Variants in PRKCA observed in about 807,000 individuals in gnomAD.
The protein encoded by PRKCA is protein kinase C alpha type.
PRKCA carries 27 observed loss-of-function variants against 87.0 expected under a neutral mutation model. The ratio of observed to expected loss-of-function variants is 0.31; its 90% CI spans 0.23 to 0.43. The LOEUF is 0.43. Ranked by LOEUF, PRKCA falls within the 20% of genes least tolerant of loss-of-function variation. The pLI, the probability that PRKCA is intolerant of heterozygous loss-of-function variation, is 1.00. For synonymous variants in PRKCA, 329 were observed against 311.1 expected, an observed-to-expected ratio of 1.06 and a Z score of -0.61; for missense variants, 518 against 852.3, an observed-to-expected ratio of 0.61 and a Z score of 4.88.
intron 16 of PRKCA, among the ~76,000 whole-genome samples, chr17:66,798,428 G>GTAA (rs1975733599): frequency 1.6e-5 from 2 of 121,250 alleles, no homozygotes; most frequent in Admixed American, 1.6e-4. Flanking sequence ...GGTGGTGGTG[G>GTAA]TGGTGACGGT....
chr17:66,794,275 G>A (rs1243573051), intron 16 of PRKCA, among the ~76,000 whole-genome samples: 1 of 152,114 alleles, frequency 6.6e-6, no homozygotes, highest in Non-Finnish European at 1.5e-5. Flanking sequence ...TCAGGACATT[G>A]TCTCCAATGA....
intron 8 of PRKCA, among the ~76,000 whole-genome samples, chr17:66,729,118 T>G (rs548365238): frequency 1.3e-5 from 2 of 152,242 alleles, no homozygotes; most frequent in African/African-American, 4.8e-5. Flanking sequence ...TCTTTTAAAT[T>G]TAGACACAAC....
At chr17:66,584,501 C>A (rs942650447) in intron 3 of PRKCA, among the ~76,000 whole-genome samples, 1 of 152,198 alleles carries the variant, frequency 6.6e-6, no homozygotes, top group Non-Finnish European at 1.5e-5. Context: ...GCTGGGATTA[C>A]AGGCATGAGC....
intron 8 of PRKCA, among the ~76,000 whole-genome samples, chr17:66,713,049 CTTT>C (rs564655403): frequency 1.9e-5 from 2 of 104,426 alleles, no homozygotes; most frequent in African/African-American, 3.8e-5. Flanking sequence ...CTTTGTTGTC[CTTT>C]TTTTTTTTTT....
At chr17:66,684,950 G>T (rs1422844515) in intron 5 of PRKCA, among the ~76,000 whole-genome samples, 13 of 152,226 alleles carry the variant, frequency 8.5e-5, no homozygotes, top group African/African-American at 2.6e-4. Context: ...CTCCATTTTT[G>T]TGCTCACATT....
At chr17:66,630,682 G>A (rs951218223) in intron 3 of PRKCA, among the ~76,000 whole-genome samples, 11 of 152,184 alleles carry the variant, frequency 7.2e-5, no homozygotes, top group Non-Finnish European at 1.3e-4. Flanking sequence ...AGGCCAATGA[G>A]ATTTTGAGGT....
intron 13 of PRKCA, among the ~76,000 whole-genome samples, chr17:66,752,045 G>A (rs1974442511): frequency 6.6e-6 from 1 of 152,208 alleles, no homozygotes; most frequent in Admixed American, 6.5e-5. Flanking sequence ...TGAAATGTGG[G>A]TAGGGACACA....
At chr17:66,378,900 C>CAA (rs35793230) in intron 2 of PRKCA, among the ~76,000 whole-genome samples, 64 of 132,818 alleles carry the variant, frequency 4.8e-4, no homozygotes, top group South Asian at 1.2e-3. Flanking sequence ...GACTCCATCT[C>CAA]AAAAAAAAAA....
intron 3 of PRKCA, among the ~76,000 whole-genome samples, chr17:66,575,441 A>G (rs1047866245): frequency 6.6e-6 from 1 of 152,118 alleles, no homozygotes; most frequent in African/African-American, 2.4e-5. Context: ...TTAGCTGAGC[A>G]TGGTGGCGCA....
chr17:66,777,528 G>A, intron 14 of PRKCA: 1 of 981,674 alleles, frequency 1.0e-6, no homozygotes, highest in Non-Finnish European at 1.2e-6. Context: ...GTCAATGGCT[G>A]GAGAAACAGG....
chr17:66,433,464 T>G (rs1913207232), intron 2 of PRKCA, among the ~76,000 whole-genome samples: 2 of 152,208 alleles, frequency 1.3e-5, no homozygotes. Flanking sequence ...GCGTGTTTGC[T>G]TGTTTATGGA....
chr17:66,380,447 G>A lies in PRKCA; in HGVS notation c.205+74320G>A, dbSNP rs73992501. 5.0e-3 allele frequency among the ~76,000 whole-genome samples: 763 copies of A among 152,204 alleles called. 3 individuals are homozygous for A. Among genetic ancestry groups the A allele is most frequent in the African/African-American group, 0.016 (682 of 41,534 alleles). On this transcript the variant is annotated intron_variant, in intron 2 of 16. Coordinates refer to ENST00000413366, the MANE Select transcript of PRKCA (RefSeq NM_002737.3). ...AGGATTAGAAAAGTTTATTAAAAGG[G>A]TTGGAATAAACCTGCCACTTAGTAA...
intron 2 of PRKCA, among the ~76,000 whole-genome samples, chr17:66,442,429 C>T (rs1403472632): frequency 1.3e-5 from 2 of 151,998 alleles, no homozygotes; most frequent in Non-Finnish European, 2.9e-5. Context: ...CCCCTCCCTC[C>T]TTCAATCTCT....
At chr17:66,456,807 A>G (rs1914593300) in intron 2 of PRKCA, among the ~76,000 whole-genome samples, 1 of 152,206 alleles carries the variant, frequency 6.6e-6, no homozygotes, top group Admixed American at 6.5e-5. Context: ...TCCTGACTGT[A>G]GCTGTTTTGC....
chr17:66,737,379 A>G (rs2144220022), intron 10 of PRKCA, among the ~76,000 whole-genome samples: 1 of 152,214 alleles, frequency 6.6e-6, no homozygotes, highest in African/African-American at 2.4e-5. Context: ...AAAAAAAAGA[A>G]ACATAGATGT....
chr17:66,518,103 A>G (rs963099148), intron 3 of PRKCA, among the ~76,000 whole-genome samples: 26 of 152,322 alleles, frequency 1.7e-4, no homozygotes, highest in African/African-American at 6.3e-4. Flanking sequence ...GGATATTTTT[A>G]GTAAGATGGC....
intron 13 of PRKCA, 131 bp from the exon 14 acceptor site, chr17:66,773,856 C>T: frequency 6.9e-7 from 1 of 1,445,290 alleles, no homozygotes; most frequent in South Asian, 1.3e-5. Flanking sequence ...CTTGGCGTAA[C>T]ATCAAAGACA....
Position 66,796,190 on chromosome 17 carries a change from A to T in PRKCA, c.1854+7211A>T, listed in dbSNP as rs560451753. On this transcript the variant is annotated intron_variant, in intron 16 of 16. Coordinates refer to ENST00000413366, the MANE Select transcript of PRKCA (RefSeq NM_002737.3). ...GCATAAATGAAAAGATATCTCCCCAACTACTGGTCCTACTCTTCATGATCT... is the reference window on the plus strand; with the variant it reads ...GCATAAATGAAAAGATATCTCCCCATCTACTGGTCCTACTCTTCATGATCT... Among the ~76,000 whole-genome samples the T allele has an allele frequency of 5.3e-5, 8 of 152,242 alleles. No individual in the cohort carries two copies. In the South Asian group the frequency reaches 1.4e-3, roughly 28 times the overall value.
intron 3 of PRKCA, among the ~76,000 whole-genome samples, chr17:66,614,645 C>T (rs1454172890): frequency 6.6e-6 from 1 of 152,178 alleles, no homozygotes; most frequent in Non-Finnish European, 1.5e-5. Flanking sequence ...AGGGGGCCAG[C>T]AATTCATCAT....
Sources: gnomAD v4.1 joint callset for allele counts (sites outside exome capture counted in the v4.1 genomes callset) on GRCh38, gnomAD v4.1.1 for gene constraint, MANE v1.5 for transcripts, NCBI Gene and HGNC (gene_info 2026-07-23, HGNC 2026-07-21) for gene names.